The following STXBP5L variants were observed in gnomAD, a reference collection of about 807,000 sequenced individuals.
STXBP5L encodes the protein syntaxin-binding protein 5-like.
Under a neutral mutation model 144.5 loss-of-function variants are expected in STXBP5L, and 65 were observed. The ratio of observed to expected loss-of-function variants is 0.45; its 90% CI spans 0.37 to 0.55. STXBP5L has a LOEUF of 0.55. Among genes scored for constraint, STXBP5L ranks in the 20% least tolerant of loss-of-function variants. The pLI is 0.00. For synonymous variants in STXBP5L, 505 were observed against 469.6 expected (o/e 1.08, Z -0.97); for missense variants, 1,298 against 1,405.5 (o/e 0.92, Z 1.22).
chr3:121,392,870 G>T (rs113321967), intron 22 of STXBP5L, among the ~76,000 whole-genome samples: 2,017 of 147,936 alleles, frequency 0.014, 43 homozygotes, highest in African/African-American at 0.047. Context: ...CTTTGCTATT[G>T]TAAGTAGTGC....
chr3:121,210,562 A>T (rs1308345590), intron 10 of STXBP5L, among the ~76,000 whole-genome samples: 1 of 152,244 alleles, frequency 6.6e-6, no homozygotes, highest in South Asian at 2.1e-4. Flanking sequence ...TTATGGTTTT[A>T]GGTCTAACAT....
intron 9 of STXBP5L, among the ~76,000 whole-genome samples, chr3:121,159,861 T>G (rs926539456): frequency 1.3e-5 from 2 of 152,084 alleles, no homozygotes; most frequent in Admixed American, 6.5e-5. Context: ...CTCGATCTCC[T>G]GACCTCGTGA....
chr3:121,005,313 T>C (rs1233172578), intron 3 of STXBP5L, among the ~76,000 whole-genome samples: 3 of 152,238 alleles, frequency 2.0e-5, no homozygotes, highest in Non-Finnish European at 4.4e-5. Context: ...TATCCATTTC[T>C]TCTAGATTTT....
intron 7 of STXBP5L, among the ~76,000 whole-genome samples, chr3:121,125,465 C>T (rs939342131): frequency 1.3e-5 from 2 of 151,138 alleles, no homozygotes; most frequent in Non-Finnish European, 3.0e-5. Context: ...AGCAAGACTC[C>T]ATCTCAAAAA....
At chr3:121,074,540 T>A (rs1284894782) in intron 5 of STXBP5L, among the ~76,000 whole-genome samples, 2 of 152,164 alleles carry the variant, frequency 1.3e-5, no homozygotes, top group African/African-American at 4.8e-5. Flanking sequence ...CCCGCAGCAG[T>A]TCCACCACTA....
chr3:121,141,506 G>A (rs191284985), intron 7 of STXBP5L, among the ~76,000 whole-genome samples: 2 of 152,152 alleles, frequency 1.3e-5, no homozygotes, highest in Admixed American at 6.6e-5. Flanking sequence ...AATTCTATTA[G>A]GACAGTGCAA....
intron 5 of STXBP5L, among the ~76,000 whole-genome samples, chr3:121,105,387 T>G (rs751716110): frequency 9.2e-5 from 14 of 151,712 alleles, no homozygotes; most frequent in Non-Finnish European, 1.8e-4. Flanking sequence ...AGAGTGAGAC[T>G]CTGTCTCAAA....
intron 22 of STXBP5L, among the ~76,000 whole-genome samples, chr3:121,393,707 G>A (rs1002789002): frequency 6.6e-6 from 1 of 152,130 alleles, no homozygotes; most frequent in Non-Finnish European, 1.5e-5. Flanking sequence ...CTCAGTGGAT[G>A]CTTTTGTTGA....
chr3:121,169,651 C>T (rs2046634410), intron 9 of STXBP5L, among the ~76,000 whole-genome samples: 1 of 152,104 alleles, frequency 6.6e-6, no homozygotes, highest in Non-Finnish European at 1.5e-5. Context: ...AGCTAACAAT[C>T]CCAAATATAT....
chr3:120,981,046 T>C (rs1941720361), intron 3 of STXBP5L, among the ~76,000 whole-genome samples: 1 of 152,144 alleles, frequency 6.6e-6, no homozygotes, highest in African/African-American at 2.4e-5. Context: ...CATCTTCTTG[T>C]TTGTAAGGTT....
chr3:121,195,754 C>T (rs952597684), intron 9 of STXBP5L, among the ~76,000 whole-genome samples: 5 of 152,162 alleles, frequency 3.3e-5, no homozygotes, highest in Non-Finnish European at 5.9e-5. Context: ...TCCTGGTTCC[C>T]ATCAACAATA....
intron 20 of STXBP5L, among the ~76,000 whole-genome samples, chr3:121,344,158 G>C (rs570916055): frequency 3.5e-4 from 53 of 151,980 alleles, no homozygotes; most frequent in Middle Eastern, 6.8e-3. Flanking sequence ...AAAGGATTCC[G>C]TATTTAATAA....
At chr3:121,390,555 C>T (rs1459960429) in intron 22 of STXBP5L, among the ~76,000 whole-genome samples, 1 of 152,192 alleles carries the variant, frequency 6.6e-6, no homozygotes, top group Non-Finnish European at 1.5e-5. Flanking sequence ...TTAGTGATTC[C>T]TTCAGAAGCT....
At chr3:121,312,006 T>G (rs1228067398) in intron 19 of STXBP5L, among the ~76,000 whole-genome samples, 2 of 152,090 alleles carry the variant, frequency 1.3e-5, no homozygotes, top group Non-Finnish European at 2.9e-5. Context: ...TATAGATCAA[T>G]GGAACAGAAC....
chr3:121,334,847 C>A (rs2044449030), intron 20 of STXBP5L, among the ~76,000 whole-genome samples: 1 of 152,136 alleles, frequency 6.6e-6, no homozygotes. Flanking sequence ...AAACCCACAG[C>A]CAACATCATA....
chr3:121,185,778 T>A (rs1164841458), intron 9 of STXBP5L, among the ~76,000 whole-genome samples: 1 of 152,030 alleles, frequency 6.6e-6, no homozygotes, highest in Non-Finnish European at 1.5e-5. Flanking sequence ...CTTGGCAATG[T>A]GGGCCCTTTT....
At chr3:121,111,299 T>C (rs1218138170) in intron 5 of STXBP5L, among the ~76,000 whole-genome samples, 5 of 152,200 alleles carry the variant, frequency 3.3e-5, no homozygotes, top group Non-Finnish European at 7.3e-5. Context: ...GTTGCAATAA[T>C]TTGGAGGAGG....
rs79736879 is a variant in STXBP5L, at chr3:121,139,145, A to G, written c.670-13332A>G. On this transcript the variant is annotated intron_variant, in intron 7 of 26. Transcript: ENST00000471454. Reference sequence around the variant, plus strand: ...TGGACACAAAATTACATCTATATGGAAAGAATGAGTTTTAGCATTCTGTAG... The same window carrying G: ...TGGACACAAAATTACATCTATATGGGAAGAATGAGTTTTAGCATTCTGTAG... Among the ~76,000 whole-genome samples, 116 of 152,146 alleles carry G rather than the reference A, an allele frequency of 7.6e-4. 1 individual carries two copies. In the East Asian group the frequency reaches 0.022, roughly 29 times the overall value.
chr3:120,953,185 T>G (rs1937634490), intron 2 of STXBP5L, among the ~76,000 whole-genome samples: 1 of 152,060 alleles, frequency 6.6e-6, no homozygotes, highest in African/African-American at 2.4e-5. Flanking sequence ...TAGATTCACT[T>G]AAAGAGCTGT....
Sources: allele counts gnomAD v4.1 joint callset (sites outside exome capture counted in the v4.1 genomes callset), GRCh38; gene constraint gnomAD v4.1.1; transcripts MANE v1.5; gene names NCBI Gene and HGNC (gene_info 2026-07-23, HGNC 2026-07-21).